SYNPR: variants seen among roughly 807,000 people sequenced by gnomAD.
SYNPR encodes the protein synaptoporin.
In SYNPR, 23 loss-of-function variants were observed where a neutral mutation model predicts 32.9. The observed-to-expected ratio is 0.70, with a 90% CI of 0.50 to 0.99. The LOEUF (loss-of-function observed/expected upper bound fraction) is 0.99. SYNPR is among the 50% of genes least tolerant of loss of function. The pLI is 0.00. For missense variants in SYNPR, 318 were observed against 349.3 expected (o/e 0.91, Z 0.71); for synonymous variants, 146 against 135.9 (o/e 1.07, Z -0.52).
chr3:63,351,551 A>T (rs774057117), intron 2 of SYNPR: 5 of 152,166 alleles, frequency 3.3e-5, no homozygotes, highest in Non-Finnish European at 7.3e-5. Context: ...GGCAATAGAG[A>T]TCAAATTTGG....
chr3:63,340,447 T>G lies in SYNPR; in HGVS notation c.84+61705T>G, dbSNP rs1299256490. Reference sequence around the variant, plus strand: ...TTTTTTTTTTTTTTTTGAGACGGAGTCTCACTCTGTTGCCCAGGCTGGAGT... The same window carrying G: ...TTTTTTTTTTTTTTTTGAGACGGAGGCTCACTCTGTTGCCCAGGCTGGAGT... On this transcript the variant is annotated intron_variant, in intron 2 of 5. Coordinates refer to ENST00000478300, the MANE Select transcript of SYNPR (RefSeq NM_001130003.2). 3.8e-4 allele frequency among the ~76,000 whole-genome samples: 48 copies of G among 126,902 alleles called. No homozygotes were observed. In the East Asian group the frequency reaches 0.011, roughly 29 times the overall value. 83.3% of individuals were successfully genotyped at this position (126,902 alleles called of 152,430 possible).
chr3:63,394,540 T>C (rs192399834), intron 2 of SYNPR, among the ~76,000 whole-genome samples: 77 of 152,320 alleles, frequency 5.1e-4, no homozygotes, highest in Non-Finnish European at 9.9e-4. Context: ...TCTGTATTTT[T>C]TTTTCCTTCA....
chr3:63,429,003 T>G (rs1296502218), intron 2 of SYNPR, among the ~76,000 whole-genome samples: 1 of 152,336 alleles, frequency 6.6e-6, no homozygotes, highest in South Asian at 2.1e-4. Context: ...AGGGTCATTT[T>G]GTTCAATCAA....
At chr3:63,311,948 A>G (rs560898730) in intron 2 of SYNPR, among the ~76,000 whole-genome samples, 4 of 151,978 alleles carry the variant, frequency 2.6e-5, no homozygotes, top group Non-Finnish European at 4.4e-5. Context: ...TAAAACTTTA[A>G]AAAAGGAAAT....
intron 2 of SYNPR, among the ~76,000 whole-genome samples, chr3:63,328,942 A>C (rs751700520): frequency 6.6e-6 from 1 of 152,196 alleles, no homozygotes; most frequent in Non-Finnish European, 1.5e-5. Context: ...TAGTCATCGC[A>C]CAATATGTTT....
At position 63,262,700 on chromosome 3, in the gene SYNPR, A is replaced by C. The variant is rs183129313; in HGVS notation, n.155-4617A>C. Among the ~76,000 whole-genome samples the C allele has an allele frequency of 4.1e-3, 623 of 152,296 alleles. 3 individuals are homozygous for C. The highest frequency in any genetic ancestry group is 0.013 in the African/African-American group (561 of 41,570). On this transcript the variant is annotated intron_variant and non_coding_transcript_variant, in intron 2 of 4. Coordinates refer to the SYNPR transcript ENST00000478456. ...CCCACAGAAGACAGAGGCAGCCACC[A>C]ATGTATGGAGACAGTGGCCAAGCAG...
At chr3:63,436,633 T>G (rs73110875) in intron 2 of SYNPR, among the ~76,000 whole-genome samples, 19,036 of 152,024 alleles carry the variant, frequency 0.13, 1,406 homozygotes, top group East Asian at 0.29. Context: ...TTGCCTGAGA[T>G]CCAGGGCCTG....
intron 3 of SYNPR, among the ~76,000 whole-genome samples, chr3:63,507,046 C>T (rs6807515): frequency 0.37 from 56,821 of 151,710 alleles, 10,822 homozygotes; most frequent in Non-Finnish European, 0.42. Context: ...GAAATGATGG[C>T]CGAGGTGGGA....
chr3:63,392,314 T>C (rs550153187), intron 2 of SYNPR, among the ~76,000 whole-genome samples: 1 of 152,306 alleles, frequency 6.6e-6, no homozygotes, highest in East Asian at 1.9e-4. Flanking sequence ...GATTCTCAGG[T>C]TACGCCATTG....
intron 2 of SYNPR, among the ~76,000 whole-genome samples, chr3:63,446,326 G>T (rs1263343390): frequency 2.5e-4 from 37 of 150,846 alleles, no homozygotes; most frequent in Non-Finnish European, 1.5e-5. Flanking sequence ...GCTGGAAAGG[G>T]CTGAGGTAGC....
chr3:63,474,613 G>A (rs918190975), intron 2 of SYNPR, among the ~76,000 whole-genome samples: 1 of 151,920 alleles, frequency 6.6e-6, no homozygotes, highest in African/African-American at 2.4e-5. Flanking sequence ...GCTTGGAATT[G>A]GCCATGGTGG....
intron 4 of SYNPR, among the ~76,000 whole-genome samples, chr3:63,572,354 T>G (rs1346355591): frequency 6.6e-6 from 1 of 152,166 alleles, no homozygotes; most frequent in Admixed American, 6.6e-5. Flanking sequence ...CTATCTCTTT[T>G]GCTATGAGAT....
chr3:63,254,023 T>C (rs1046355785), intron 2 of SYNPR, among the ~76,000 whole-genome samples: 13 of 152,074 alleles, frequency 8.5e-5, no homozygotes, highest in African/African-American at 2.7e-4. Flanking sequence ...TGTAGGGACA[T>C]GGATGAAGCT....
intron 3 of SYNPR, among the ~76,000 whole-genome samples, chr3:63,484,824 A>G (rs966103707): frequency 6.6e-6 from 1 of 152,192 alleles, no homozygotes; most frequent in Non-Finnish European, 1.5e-5. Flanking sequence ...CAAAGTTCAG[A>G]CTGTTTGGAG....
chr3:63,226,340 A>T (rs1003128116), upstream of SYNPR, among the ~76,000 whole-genome samples: 5 of 152,186 alleles, frequency 3.3e-5, no homozygotes, highest in Admixed American at 1.3e-4. Context: ...ACCTGGCAAT[A>T]CCACTACTGG....
chr3:63,491,271 C>A (rs926597363), intron 3 of SYNPR, among the ~76,000 whole-genome samples: 6 of 152,066 alleles, frequency 3.9e-5, no homozygotes, highest in Admixed American at 6.6e-5. Context: ...ATTCAGGAAA[C>A]AAGAGCTCAT....
In SYNPR at chr3:63,443,279, T is replaced by C. The variant is rs1010031221; in HGVS notation, c.85-37553T>C. The C allele has an allele frequency of 7.5e-6, 11 of 1,463,700 alleles. No individual in the cohort carries two copies. The African/African-American group carries it at 1.4e-4, about 19-fold the overall frequency. 90.7% of individuals were successfully genotyped at this position (1,463,700 alleles called of 1,614,324 possible). On this transcript the variant is annotated intron_variant, in intron 2 of 5. Transcript: ENST00000478300. The stretch of plus-strand genomic sequence containing the variant: ...GAGGCTGAAGCTGCTATCTGATTGG[T>C]ATAACATCTCACTTTCCCTCTGCAT...
At chr3:63,365,482 T>A (rs185951849) in intron 2 of SYNPR, among the ~76,000 whole-genome samples, 178 of 152,306 alleles carry the variant, frequency 1.2e-3, no homozygotes, top group African/African-American at 3.7e-3. Flanking sequence ...GAGGTTCGCA[T>A]AAGAAGTTTA....
chr3:63,373,346 A>G (rs2107056331), intron 2 of SYNPR, among the ~76,000 whole-genome samples: 1 of 152,318 alleles, frequency 6.6e-6, no homozygotes, highest in Non-Finnish European at 1.5e-5. Context: ...AAATGATATA[A>G]AAGCTGATAG....
Sources: gnomAD v4.1 joint callset for allele counts (sites outside exome capture counted in the v4.1 genomes callset) on GRCh38, gnomAD v4.1.1 for gene constraint, MANE v1.5 for transcripts, NCBI Gene and HGNC (gene_info 2026-07-23, HGNC 2026-07-21) for gene names.